Variants in SS18L1 observed in about 807,000 individuals in gnomAD.
SS18L1 encodes calcium-responsive transactivator.
In SS18L1, 32 loss-of-function variants were observed where a neutral mutation model predicts 70.3. That is an observed-to-expected ratio of 0.46 (90% confidence interval 0.34 to 0.61). The LOEUF (loss-of-function observed/expected upper bound fraction) is 0.61. Ranked by LOEUF, SS18L1 falls within the 20% of genes least tolerant of loss-of-function variation. The pLI is 0.01. For missense variants in SS18L1, 430 were observed against 542.1 expected, an observed-to-expected ratio of 0.79 and a Z score of 2.05; for synonymous variants, 237 against 229.7, an observed-to-expected ratio of 1.03 and a Z score of -0.29.
chr20:62,168,508 G>A (rs1167585243), intron 8 of SS18L1, among the ~76,000 whole-genome samples: 1 of 151,982 alleles, frequency 6.6e-6, no homozygotes, highest in Non-Finnish European at 1.5e-5. Flanking sequence ...CAGGCCGGGT[G>A]CAGTGGCTCC....
At chr20:62,160,943 G>T (rs1294659882) in intron 3 of SS18L1, among the ~76,000 whole-genome samples, 1 of 151,966 alleles carries the variant, frequency 6.6e-6, no homozygotes, top group Non-Finnish European at 1.5e-5. Context: ...TCCCTTCTGT[G>T]CGGTGTGATC....
Position 62,179,458 on chromosome 20 carries a change from CT to C in SS18L1, c.*257del. On this transcript the variant is annotated 3_prime_UTR_variant, in exon 11 of 11. Coordinates refer to ENST00000331758, the MANE Select transcript of SS18L1 (RefSeq NM_198935.3). The stretch of plus-strand genomic sequence containing the variant: ...GTATGTCGGTACACGGAGAGGTATC[CT>C]TTTTTTGTCCCCCGCCCCCTTCTCA... 7.9e-5 allele frequency: 43 copies of C among 543,926 alleles called. No homozygotes were observed. The highest frequency in any genetic ancestry group is 1.4e-4 in the South Asian group (6 of 44,360). 33.7% of individuals were successfully genotyped at this position (543,926 alleles called of 1,614,324 possible).
rs7273122 is a variant in SS18L1 at position 62,143,844 on chromosome 20, C to T, written c.24C>T (p.Ala8=). Residue 8 remains alanine (A), a synonymous_variant, in exon 1 of 11, where the codon GCC becomes GCT. Transcript: ENST00000331758. ...CCATGTCCGTGGCCTTCGCGTCTGCCCGGCCAAGAGGCAAAGGGGAGGTTA... is the reference window on the plus strand; with the variant it reads ...CCATGTCCGTGGCCTTCGCGTCTGCTCGGCCAAGAGGCAAAGGGGAGGTTA... MSVAFAS[A]RPRGKGEVTQ... The T allele has an allele frequency of 7.8e-4, 1,031 of 1,329,180 alleles. 4 individuals carry two copies. The African/African-American group carries it at 0.014, about 18-fold the overall frequency. 82.3% of individuals were successfully genotyped at this position (1,329,180 alleles called of 1,614,324 possible). A position where few individuals can be genotyped will look rare whatever the true frequency, so the allele number is the denominator to read the frequency against.
At chr20:62,145,276 C>T (rs997789856) in intron 1 of SS18L1, among the ~76,000 whole-genome samples, 2 of 151,746 alleles carry the variant, frequency 1.3e-5, no homozygotes, top group Non-Finnish European at 2.9e-5. Flanking sequence ...AGGCTGCGGC[C>T]TAGGGAGGCC....
intron 9 of SS18L1, among the ~76,000 whole-genome samples, chr20:62,173,136 C>T (rs933379099): frequency 2.2e-4 from 34 of 152,238 alleles, no homozygotes; most frequent in African/African-American, 8.2e-4. Context: ...TGGCCTGTGA[C>T]GGGAGCCAGT....
chr20:62,179,730 G>GGGGGGGGCCCC lies in SS18L1; in HGVS notation c.*522_*523insGGGGGGGCCCC. 1 of 96,712 alleles carries GGGGGGGGCCCC rather than the reference G, an allele frequency of 1.0e-5. No homozygotes were observed. Among genetic ancestry groups the GGGGGGGGCCCC allele is most frequent in the Non-Finnish European group, 2.0e-5 (1 of 48,820 alleles). 6.0% of individuals were successfully genotyped at this position (96,712 alleles called of 1,614,324 possible). A position where few individuals can be genotyped will look rare whatever the true frequency, so the allele number is the denominator to read the frequency against. On this transcript the variant is annotated 3_prime_UTR_variant, in exon 11 of 11. Transcript: ENST00000331758. ...GTGCCTCGATGGGGTGGGTGGGAGG[G>GGGGGGGGCCCC]CATCTTCTGTGCGTTGGGTCAGTTT...
At position 62,179,360 on chromosome 20, in the gene SS18L1, T is replaced by G. The variant is rs2057674445; in HGVS notation, c.*152T>G. 1 of 817,924 alleles carries G rather than the reference T, an allele frequency of 1.2e-6. No individual in the cohort carries two copies. The allele number at this position is 817,924 out of a possible 1,614,324, so 50.7% of individuals were successfully genotyped here. On this transcript the variant is annotated 3_prime_UTR_variant, in exon 11 of 11. Coordinates refer to ENST00000331758, the MANE Select transcript of SS18L1 (RefSeq NM_198935.3). ...AAGCGTGCTCATTTCATGCTGGGTA[T>G]GACGCCGAGCGCACACCACTGGCGT... is the stretch of plus-strand genomic sequence containing the variant.
chr20:62,159,846 TC>T lies in SS18L1; in HGVS notation c.147-29del. On this transcript the variant is annotated intron_variant, in intron 2 of 10. Coordinates refer to ENST00000331758, the MANE Select transcript of SS18L1 (RefSeq NM_198935.3). This position sits in a 1 kb window ranked among gnomAD's most constrained non-coding sequence, Gnocchi z 4.4. ...ACGTGGGGACTCTGTGGTCCCGTCG[TC>T]CTGCCTCATGCGTGCCCCCTCTCCT... is the stretch of plus-strand genomic sequence containing the variant. The T allele has an allele frequency of 6.2e-7, 1 of 1,607,406 alleles. No homozygotes were observed. The highest frequency in any genetic ancestry group is 1.1e-5 in the South Asian group (1 of 90,370).
intron 7 of SS18L1, among the ~76,000 whole-genome samples, chr20:62,164,831 C>T (rs2057398584): frequency 6.6e-6 from 1 of 152,224 alleles, no homozygotes; most frequent in Non-Finnish European, 1.5e-5. Context: ...GAGGTTGAAG[C>T]TGCATTGAGC....
chr20:62,164,045 G>A (rs1266279948), intron 6 of SS18L1, 100 bp from the exon 7 acceptor site: 4 of 1,025,578 alleles, frequency 3.9e-6, no homozygotes, highest in African/African-American at 3.2e-5. Context: ...TCGGGTGGGT[G>A]AGGCCATTCA....
chr20:62,144,224 G>T (rs1486308884), intron 1 of SS18L1, among the ~76,000 whole-genome samples: 1 of 151,782 alleles, frequency 6.6e-6, no homozygotes, highest in Admixed American at 6.6e-5. Flanking sequence ...CGCGGCGCGC[G>T]CTGGGAACTG....
In SS18L1 at chr20:62,165,484, G is replaced by A. The variant is rs1245891750; in HGVS notation, c.886G>A (p.Glu296Lys). 5 of 1,612,756 alleles carry A rather than the reference G, an allele frequency of 3.1e-6. No homozygotes were observed. Among genetic ancestry groups the A allele is most frequent in the African/African-American group, 1.3e-5 (1 of 74,914 alleles). ...GGAGCAGAGCTACGACCGGTCCTTCGAGGAGTCCACGCAGCACTACTATGA... is the reference window on the plus strand; with the variant it reads ...GGAGCAGAGCTACGACCGGTCCTTCAAGGAGTCCACGCAGCACTACTATGA... Reference protein sequence around the residue: ...YTEQSYDRSFEESTQHYYEGG... With the variant: ...YTEQSYDRSFKESTQHYYEGG... Residue 296 changes from glutamate (E) to lysine (K), a missense_variant, in exon 8 of 11, where the codon GAG becomes AAG. Transcript: ENST00000331758.
rs763030166 is a variant in SS18L1 at position 62,174,705 on chromosome 20, G to T, written c.1164+61G>T. ...GCCGCGCCTGTCGAGACATAATGAA[G>T]ATTTCTCTTATGGCCATGAGGAATA... On this transcript the variant is annotated intron_variant, in intron 10 of 10. Transcript: ENST00000331758. The surrounding 1 kb of genome is among the most constrained non-coding windows in gnomAD (Gnocchi z 4.1). 2 of 1,612,288 alleles carry T rather than the reference G, an allele frequency of 1.2e-6. No homozygotes were observed. The highest frequency in any genetic ancestry group is 1.1e-5 in the South Asian group (1 of 90,694).
chr20:62,161,209 C>T lies in SS18L1; in HGVS notation c.232-227C>T, dbSNP rs1568749047. ...GGCACGTGTGGATGAACTTGATACT[C>T]AGTAGGGTTGTGAACGCTCACCCAG... On this transcript the variant is annotated intron_variant, in intron 3 of 10. Coordinates refer to ENST00000331758, the MANE Select transcript of SS18L1 (RefSeq NM_198935.3). This position sits in a 1 kb window ranked among gnomAD's most constrained non-coding sequence, Gnocchi z 4.4. 6.6e-6 allele frequency among the ~76,000 whole-genome samples: 1 copy of T among 150,674 alleles called. No individual in the cohort carries two copies. Among genetic ancestry groups the T allele is most frequent in the African/African-American group, 2.4e-5 (1 of 40,916 alleles).
intron 1 of SS18L1, among the ~76,000 whole-genome samples, chr20:62,152,073 T>C (rs1437090924): frequency 4.6e-5 from 7 of 151,976 alleles, no homozygotes; most frequent in African/African-American, 1.5e-4. Flanking sequence ...CACATGCCTG[T>C]TTCCTCCATC....
At chr20:62,160,745 T>C (rs2057314679) in intron 3 of SS18L1, among the ~76,000 whole-genome samples, 1 of 152,124 alleles carries the variant, frequency 6.6e-6, no homozygotes, top group Non-Finnish European at 1.5e-5. Flanking sequence ...GGATGTGTCT[T>C]GCGAGTAAAA....
Position 62,180,670 on chromosome 20 carries a change from CG to C in SS18L1, c.*1464del, listed in dbSNP as rs1423064240. The C allele has an allele frequency of 2.5e-5, 4 of 161,900 alleles. No individual in the cohort carries two copies. The East Asian group carries it at 5.3e-4, about 22-fold the overall frequency. 10.0% of individuals were successfully genotyped at this position (161,900 alleles called of 1,614,324 possible). ...CAGCACTTTGGGAGGCCGAAGCGGG[CG>C]GATCACCTGAGGTCGGGAGTTCGAG... On this transcript the variant is annotated 3_prime_UTR_variant, in exon 11 of 11. Transcript: ENST00000331758.
At chr20:62,149,131 G>A (rs1190476535) in intron 1 of SS18L1, among the ~76,000 whole-genome samples, 1 of 152,256 alleles carries the variant, frequency 6.6e-6, no homozygotes, top group Non-Finnish European at 1.5e-5. Context: ...TGGAATCCCC[G>A]GGCTGCAGGT....
chr20:62,178,926 AT>A (rs2145797855), intron 10 of SS18L1, among the ~76,000 whole-genome samples: 1 of 152,244 alleles, frequency 6.6e-6, no homozygotes, highest in East Asian at 1.9e-4. Context: ...TAAGGCTCTG[AT>A]GCCAGGCCTG....
Sources: allele counts gnomAD v4.1 joint callset (sites outside exome capture counted in the v4.1 genomes callset), GRCh38; gene constraint gnomAD v4.1.1; non-coding constraint Gnocchi (gnomAD v3.1); transcripts MANE v1.5; gene names NCBI Gene and HGNC (gene_info 2026-07-23, HGNC 2026-07-21).